Variants in SHANK2 observed in about 807,000 individuals in gnomAD.
The protein encoded by SHANK2 is SH3 and multiple ankyrin repeat domains 2.
Under a neutral mutation model 133.7 loss-of-function variants are expected in SHANK2, and 43 were observed. That is an observed-to-expected ratio of 0.32 (90% CI 0.25 to 0.41). The LOEUF is 0.41. Among genes scored for constraint, SHANK2 ranks in the 10% least tolerant of loss-of-function variants. The pLI is 1.00. For missense variants in SHANK2, 1,994 were observed against 2,235.8 expected (o/e 0.89, Z 2.18); for synonymous variants, 1,017 against 952.8 (o/e 1.07, Z -1.24).
intron 11 of SHANK2, among the ~76,000 whole-genome samples, chr11:70,841,412 C>G (rs1565354319): frequency 1.3e-5 from 2 of 152,228 alleles, no homozygotes; most frequent in Admixed American, 1.3e-4. Context: ...GCCATTTTCC[C>G]CATTACACAG....
At position 70,486,504 on chromosome 11, in the gene SHANK2, C is replaced by T. The variant is rs560475504; in HGVS notation, c.3789G>A (p.Thr1263=). ...MRPSLDAGFP[T]VTRQNTRGPL... ...GTCCCCGGGTGTTCTGCCTGGTGAC[C>T]GTAGGGAAGCCGGCATCCAGGCTGG... Residue 1263 remains threonine (T), a synonymous_variant, in exon 25 of 26, where the codon ACG becomes ACA. Transcript: ENST00000601538. The surrounding 1 kb of genome is among the most constrained non-coding windows in gnomAD (Gnocchi z 8.0). 58 of 1,614,100 alleles carry T rather than the reference C, an allele frequency of 3.6e-5. No homozygotes were observed. In the African/African-American group the frequency reaches 6.0e-4, roughly 17 times the overall value.
chr11:70,931,068 C>T (rs1950497441), intron 10 of SHANK2, among the ~76,000 whole-genome samples: 1 of 152,176 alleles, frequency 6.6e-6, no homozygotes, highest in Admixed American at 6.5e-5. Flanking sequence ...CACGCTAACA[C>T]ATGGATGAGA....
At chr11:71,132,490 A>G (rs553164512) in intron 3 of SHANK2, among the ~76,000 whole-genome samples, 4 of 152,210 alleles carry the variant, frequency 2.6e-5, no homozygotes, top group South Asian at 2.1e-4. Flanking sequence ...TTTCCCGTAC[A>G]TTGTTTTCTC....
intron 2 of SHANK2, among the ~76,000 whole-genome samples, chr11:71,222,532 G>A (rs186661386): frequency 6.6e-6 from 1 of 152,226 alleles, no homozygotes. Flanking sequence ...AGGCCCAGCT[G>A]GCCGGACGCA....
Position 70,804,526 on chromosome 11 carries a change from C to T in SHANK2, c.1663+2476G>A, listed in dbSNP as rs1327307768. Among the ~76,000 whole-genome samples the T allele has an allele frequency of 6.6e-6, 1 of 152,128 alleles. No individual in the cohort carries two copies. The highest frequency in any genetic ancestry group is 1.5e-5 in the Non-Finnish European group (1 of 68,014). On this transcript the variant is annotated intron_variant, in intron 13 of 25. Transcript: ENST00000601538. This position sits in a 1 kb window ranked among gnomAD's most constrained non-coding sequence, Gnocchi z 4.1. ...CCTGGGAGAAAGGCCCAGCTCCCCG[C>T]ACGCCCCACGCTCCTGCGAGGGGCG... is the stretch of plus-strand genomic sequence containing the variant.
intron 11 of SHANK2, among the ~76,000 whole-genome samples, chr11:70,825,675 TC>T: frequency 6.6e-6 from 1 of 152,352 alleles, no homozygotes; most frequent in Middle Eastern, 3.4e-3. Flanking sequence ...GGAAGTACCT[TC>T]CTCATTTCTC....
At chr11:70,574,717 C>T (rs1335655691) in intron 17 of SHANK2, among the ~76,000 whole-genome samples, 5 of 152,114 alleles carry the variant, frequency 3.3e-5, no homozygotes, top group Non-Finnish European at 5.9e-5. Context: ...GGGACCAGGC[C>T]GTTCTGCAGC....
Position 71,092,517 on chromosome 11 carries a change from T to G in SHANK2, c.817A>C (p.Ile273Leu), listed in dbSNP as rs1021353133. ...CAGCAGTAGGGATCACCTCCGACGA[T>G]GGCTGTGTGATACAGCGGGGTGAGG... is the stretch of plus-strand genomic sequence containing the variant. ...YGLTPLYHTA[I>L]VGGDPYCCEL... Residue 273 changes from isoleucine to leucine, a missense_variant, in exon 8 of 26, where the codon ATC becomes CTC. Physicochemically the swap from Ile to Leu is conservative, Grantham distance 5. Coordinates refer to ENST00000601538, the MANE Select transcript of SHANK2 (RefSeq NM_012309.5). 5.8e-6 allele frequency: 9 copies of G among 1,551,732 alleles called. No individual in the cohort carries two copies. The Admixed American group carries it at 1.4e-4, about 24-fold the overall frequency.
chr11:70,470,538 T>A lies in SHANK2; in HGVS notation c.*2331A>T, dbSNP rs1555148214. The A allele has an allele frequency of 1.3e-5, 2 of 152,636 alleles. No homozygotes were observed. The highest frequency in any genetic ancestry group is 1.5e-5 in the Non-Finnish European group (1 of 68,044). The allele number at this position is 152,636 out of a possible 1,614,324, so 9.5% of individuals were successfully genotyped here. A position where few individuals can be genotyped will look rare whatever the true frequency, so the allele number is the denominator to read the frequency against. ...CAGGGAAAGTGCCATGCCAAAGGAA[T>A]GGACTCACGGAATTTTGCGGTATCA... On this transcript the variant is annotated 3_prime_UTR_variant, in exon 26 of 26. Transcript: ENST00000601538.
At chr11:71,224,156 G>A (rs189685518) in intron 2 of SHANK2, among the ~76,000 whole-genome samples, 10 of 152,330 alleles carry the variant, frequency 6.6e-5, no homozygotes, top group East Asian at 3.9e-4. Flanking sequence ...GGTAGTCAGC[G>A]TCAACGTTGA....
intron 11 of SHANK2, among the ~76,000 whole-genome samples, chr11:70,827,492 G>T (rs1237579153): frequency 6.6e-6 from 1 of 152,104 alleles, no homozygotes; most frequent in Non-Finnish European, 1.5e-5. Context: ...GTGGATGCAG[G>T]CTGGTGCCCT....
intron 14 of SHANK2, among the ~76,000 whole-genome samples, chr11:70,781,414 GC>G (rs1947485084): frequency 6.6e-6 from 1 of 150,938 alleles, no homozygotes; most frequent in Admixed American, 6.6e-5. Flanking sequence ...CCCAACCCAG[GC>G]ATCTCTGAGA....
intron 11 of SHANK2, among the ~76,000 whole-genome samples, chr11:70,891,243 G>A (rs1253059616): frequency 7.2e-5 from 11 of 152,158 alleles, no homozygotes; most frequent in South Asian, 2.1e-4. Flanking sequence ...GGCCGGGCAC[G>A]GTGGCTCACG....
At chr11:70,858,236 T>A (rs1290411277) in intron 11 of SHANK2, among the ~76,000 whole-genome samples, 3 of 152,198 alleles carry the variant, frequency 2.0e-5, no homozygotes, top group African/African-American at 7.2e-5. Flanking sequence ...GTCATCAAAA[T>A]TCACTGCCAT....
intron 14 of SHANK2, among the ~76,000 whole-genome samples, chr11:70,788,860 G>A (rs1422236447): frequency 2.0e-5 from 3 of 152,186 alleles, no homozygotes; most frequent in Non-Finnish European, 4.4e-5. Flanking sequence ...GCAACGCACT[G>A]CTCTCAGGTC....
chr11:70,786,795 G>C (rs560747864), intron 14 of SHANK2, among the ~76,000 whole-genome samples: 2 of 152,234 alleles, frequency 1.3e-5, no homozygotes, highest in East Asian at 3.9e-4. Context: ...CGTTCACCAA[G>C]GTGGAGTGCC....
intron 2 of SHANK2, among the ~76,000 whole-genome samples, chr11:71,183,012 C>G (rs1565500120): frequency 6.6e-6 from 1 of 152,144 alleles, no homozygotes; most frequent in Non-Finnish European, 1.5e-5. Flanking sequence ...TCATCTCTGA[C>G]CTGGGAGTCT....
intron 12 of SHANK2, among the ~76,000 whole-genome samples, chr11:70,818,381 G>A (rs149617106): frequency 1.3e-5 from 2 of 152,276 alleles, no homozygotes; most frequent in African/African-American, 4.8e-5. Flanking sequence ...CAGGGAAACA[G>A]GGATGGTCAG....
intron 8 of SHANK2, among the ~76,000 whole-genome samples, chr11:71,078,188 A>G (rs1352221179): frequency 1.3e-5 from 2 of 148,852 alleles, no homozygotes; most frequent in African/African-American, 5.0e-5. Flanking sequence ...AAAAAAAAAA[A>G]TCAATGGGGC....
Sources: allele counts gnomAD v4.1 joint callset (sites outside exome capture counted in the v4.1 genomes callset), GRCh38; gene constraint gnomAD v4.1.1; non-coding constraint Gnocchi (gnomAD v3.1); transcripts MANE v1.5; gene names NCBI Gene and HGNC (gene_info 2026-07-23, HGNC 2026-07-21).